Variants in PHF2 observed in about 807,000 individuals in gnomAD.
PHF2 encodes the protein PHD finger protein 2.
A neutral mutation model predicts 120.5 loss-of-function variants in PHF2; 27 were observed. The ratio of observed to expected loss-of-function variants is 0.22; its 90% CI spans 0.17 to 0.31. PHF2 has a LOEUF of 0.31. Among genes scored for constraint, PHF2 ranks in the 10% least tolerant of loss-of-function variants. PHF2 has a pLI of 1.00. For missense variants in PHF2, 1,024 were observed against 1,434.8 expected, an observed-to-expected ratio of 0.71 and a Z score of 4.63; for synonymous variants, 568 against 592.5, an observed-to-expected ratio of 0.96 and a Z score of 0.60.
At chr9:93,658,840 C>T (rs558526521) in intron 10 of PHF2, among the ~76,000 whole-genome samples, 8 of 152,182 alleles carry the variant, frequency 5.3e-5, no homozygotes, top group Non-Finnish European at 1.0e-4. Flanking sequence ...ATCCTGTGCG[C>T]GCCCCCACAG....
intron 1 of PHF2, among the ~76,000 whole-genome samples, chr9:93,608,398 G>GT (rs35097935): frequency 0.048 from 6,809 of 142,590 alleles, 516 homozygotes; most frequent in African/African-American, 0.16. Flanking sequence ...TTGATTGGTA[G>GT]TTTTTTTTTT....
intron 14 of PHF2, among the ~76,000 whole-genome samples, chr9:93,665,395 T>C (rs927179913): frequency 6.6e-6 from 1 of 152,166 alleles, no homozygotes; most frequent in Non-Finnish European, 1.5e-5. Flanking sequence ...CAGCATTGTG[T>C]AGGAGGCCAT....
rs374487151 is a variant in PHF2, at chr9:93,660,141, G to A, written c.1330-51G>A. 1,713 of 1,483,842 alleles carry A rather than the reference G, an allele frequency of 1.2e-3. 16 individuals are homozygous for A. The highest frequency in any genetic ancestry group is 0.011 in the South Asian group (737 of 70,048). The allele number at this position is 1,483,842 out of a possible 1,614,324, so 91.9% of individuals were successfully genotyped here. ...GCATCCTGGTGTGTGGACCGTCTTG[G>A]GCCACAGTTTGGCAGAAGCAGCATG... is the stretch of plus-strand genomic sequence containing the variant. On this transcript the variant is annotated intron_variant, in intron 11 of 21. Transcript: ENST00000359246.
At chr9:93,645,235 A>C (rs10761248) in intron 3 of PHF2, among the ~76,000 whole-genome samples, 85,027 of 152,028 alleles carry the variant, frequency 0.56, 24,171 homozygotes, top group Non-Finnish European at 0.59. Flanking sequence ...AAGGGGTACA[A>C]GGGAGGTGCA....
chr9:93,644,643 T>C (rs551227105), intron 3 of PHF2, among the ~76,000 whole-genome samples: 26 of 152,058 alleles, frequency 1.7e-4, no homozygotes, highest in Non-Finnish European at 3.4e-4. Context: ...GCCCATCCCA[T>C]AGAAGCATGT....
intron 16 of PHF2, among the ~76,000 whole-genome samples, chr9:93,666,818 G>T: frequency 6.6e-6 from 1 of 152,098 alleles, no homozygotes; most frequent in East Asian, 1.9e-4. Flanking sequence ...CAGCTACTTG[G>T]GAGGCTGAGG....
rs146032360 is a variant in PHF2 at position 93,577,965 on chromosome 9, G to T, written c.98+1094G>T. Reference sequence around the variant, plus strand: ...TCTGGGGCTCCAGTCCCAAACCACCGGCAGCAAGCAGCCGGGGGAAAGAGA... The same window carrying T: ...TCTGGGGCTCCAGTCCCAAACCACCTGCAGCAAGCAGCCGGGGGAAAGAGA... On this transcript the variant is annotated intron_variant, in intron 1 of 21. Coordinates refer to ENST00000359246, the MANE Select transcript of PHF2 (RefSeq NM_005392.4). 7.2e-5 allele frequency among the ~76,000 whole-genome samples: 11 copies of T among 152,310 alleles called. No individual in the cohort carries two copies. In the East Asian group the frequency reaches 1.9e-3, roughly 27 times the overall value.
At chr9:93,647,851 T>C (rs921552611) in intron 4 of PHF2, among the ~76,000 whole-genome samples, 1 of 151,378 alleles carries the variant, frequency 6.6e-6, no homozygotes, top group Non-Finnish European at 1.5e-5. Flanking sequence ...ATCGTGCCAC[T>C]GCACTCCAGC....
chr9:93,638,480 A>AT (rs1033768812), intron 3 of PHF2, among the ~76,000 whole-genome samples: 8 of 151,866 alleles, frequency 5.3e-5, no homozygotes, highest in South Asian at 2.1e-4. Flanking sequence ...ATTGAACTTC[A>AT]TTTTTTTTGC....
rs141050666 is a variant in PHF2 at position 93,606,568 on chromosome 9, T to A, written c.99-23402T>A. Among the ~76,000 whole-genome samples the A allele has an allele frequency of 3.2e-3, 492 of 152,372 alleles. 2 individuals are homozygous for A. Among genetic ancestry groups the A allele is most frequent in the African/African-American group, 0.011 (450 of 41,580 alleles). ...AATTTATAATTGGGTTGTTTTCTTA[T>A]TGTTGAGTTCTTTGCATACTTTGGA... On this transcript the variant is annotated intron_variant, in intron 1 of 21. Transcript: ENST00000359246.
intron 2 of PHF2, among the ~76,000 whole-genome samples, chr9:93,635,361 C>G (rs1826072841): frequency 6.6e-6 from 1 of 152,076 alleles, no homozygotes; most frequent in Non-Finnish European, 1.5e-5. Flanking sequence ...CCCCCATCCC[C>G]TGCGCCCCCC....
At position 93,667,244 on chromosome 9, in the gene PHF2, G is replaced by A. The variant is rs1234311297; in HGVS notation, c.2348+4G>A. ...CGCTGGAGTACAACCCCAGCAGGTG[G>A]GCCCCACCACCCGGCAGCACCCAAG... On this transcript the variant is annotated splice_donor_region_variant and intron_variant, in intron 17 of 21. Transcript: ENST00000359246. The A allele has an allele frequency of 6.2e-7, 1 of 1,607,560 alleles. No homozygotes were observed. The highest frequency in any genetic ancestry group is 1.1e-5 in the South Asian group (1 of 90,264).
At chr9:93,669,335 G>A (rs1396317875) in intron 17 of PHF2, among the ~76,000 whole-genome samples, 1 of 152,254 alleles carries the variant, frequency 6.6e-6, no homozygotes, top group Admixed American at 6.5e-5. Context: ...GCTGGGGCTG[G>A]GAGAGCCTGC....
chr9:93,579,898 A>C (rs1297182108), intron 1 of PHF2, among the ~76,000 whole-genome samples: 1 of 152,098 alleles, frequency 6.6e-6, no homozygotes, highest in African/African-American at 2.4e-5. Context: ...GTGTTTGCCT[A>C]CTCAGGGACT....
intron 1 of PHF2, among the ~76,000 whole-genome samples, chr9:93,585,852 A>G (rs1398406975): frequency 6.6e-6 from 1 of 152,262 alleles, no homozygotes; most frequent in Non-Finnish European, 1.5e-5. Flanking sequence ...GCCATTGGAA[A>G]GAGTAGTTGG....
intron 4 of PHF2, 104 bp downstream of exon 4, chr9:93,645,893 T>C: frequency 7.6e-7 from 1 of 1,321,536 alleles, no homozygotes; most frequent in Non-Finnish European, 1.0e-6. Context: ...TGTCCATGTG[T>C]GCCGTGAGCA....
intron 1 of PHF2, among the ~76,000 whole-genome samples, chr9:93,607,439 A>ATTT (rs36083667): frequency 2.0e-5 from 2 of 100,546 alleles, no homozygotes; most frequent in Non-Finnish European, 1.9e-5. Flanking sequence ...TGCCTGGCTA[A>ATTT]TTTTTTTTTT....
intron 17 of PHF2, chr9:93,672,479 G>A (rs1262232766): frequency 1.0e-6 from 1 of 984,592 alleles, no homozygotes; most frequent in African/African-American, 1.8e-5. Flanking sequence ...TGTGAGTGTG[G>A]GAGTAGGCAC....
chr9:93,664,046 G>T (rs2118023804), intron 14 of PHF2, among the ~76,000 whole-genome samples: 1 of 152,362 alleles, frequency 6.6e-6, no homozygotes, highest in South Asian at 2.1e-4. Context: ...CCTGCAATGA[G>T]GGATGGCCCC....
Sources: gnomAD v4.1 joint callset for allele counts (sites outside exome capture counted in the v4.1 genomes callset) on GRCh38, gnomAD v4.1.1 for gene constraint, MANE v1.5 for transcripts, NCBI Gene and HGNC (gene_info 2026-07-23, HGNC 2026-07-21) for gene names.